Variants in FOXN3 observed in about 807,000 individuals in gnomAD.
The protein encoded by FOXN3 is forkhead box protein N3.
A neutral mutation model predicts 38.4 loss-of-function variants in FOXN3; 7 were observed. The observed-to-expected ratio is 0.18, with a 90% CI of 0.10 to 0.34. The LOEUF (loss-of-function observed/expected upper bound fraction) is 0.34, where lower values mean the gene tolerates loss of function less well. Among genes scored for constraint, FOXN3 ranks in the 10% least tolerant of loss-of-function variants. The probability of loss-of-function intolerance (pLI) is 1.00; values close to 1 mark genes in which losing one functional copy is unlikely to be tolerated. For missense variants in FOXN3, 456 were observed against 613.4 expected (o/e 0.74, Z 2.71); for synonymous variants, 230 against 242.2 (o/e 0.95, Z 0.47).
intron 4 of FOXN3, among the ~76,000 whole-genome samples, chr14:89,186,338 AT>A (rs1887807297): frequency 6.6e-6 from 1 of 151,502 alleles, no homozygotes. Flanking sequence ...TGTTTTGTTT[AT>A]TATCTAGTTT....
intron 4 of FOXN3, among the ~76,000 whole-genome samples, chr14:89,247,968 A>G (rs1885344707): frequency 6.6e-6 from 1 of 152,140 alleles, no homozygotes; most frequent in African/African-American, 2.4e-5. Context: ...TCTGCCTAGA[A>G]AGCTCTTCTC....
intron 3 of FOXN3, among the ~76,000 whole-genome samples, chr14:89,298,259 T>C (rs1887105997): frequency 6.6e-6 from 1 of 152,014 alleles, no homozygotes; most frequent in Non-Finnish European, 1.5e-5. Flanking sequence ...AGAAAAAGAA[T>C]GGTGGTTGCC....
chr14:89,596,965 T>A (rs987407481), intron 1 of FOXN3, among the ~76,000 whole-genome samples: 52 of 152,166 alleles, frequency 3.4e-4, no homozygotes, highest in Non-Finnish European at 3.4e-4. Flanking sequence ...CCCATTTCAT[T>A]ACCTTTTATC....
intron 1 of FOXN3, among the ~76,000 whole-genome samples, chr14:89,425,062 C>CT (rs3994032): frequency 0.52 from 54,346 of 104,184 alleles, 15,439 homozygotes; most frequent in East Asian, 0.72. Context: ...GTTTTCTTTT[C>CT]TTTTTTTTTT....
chr14:89,467,288 C>T (rs1892989734), intron 1 of FOXN3, among the ~76,000 whole-genome samples: 1 of 152,176 alleles, frequency 6.6e-6, no homozygotes, highest in Non-Finnish European at 1.5e-5. Flanking sequence ...CCATCCACCA[C>T]CTGCTGTAAC....
intron 4 of FOXN3, among the ~76,000 whole-genome samples, chr14:89,201,880 G>A (rs895616029): frequency 3.9e-5 from 6 of 152,236 alleles, no homozygotes; most frequent in African/African-American, 1.4e-4. Context: ...TCCCACAGCT[G>A]TGGGGGTGCT....
intron 1 of FOXN3, among the ~76,000 whole-genome samples, chr14:89,590,929 C>T (rs1167560716): frequency 2.0e-5 from 3 of 152,162 alleles, no homozygotes; most frequent in African/African-American, 7.2e-5. Context: ...TCTGAACGGT[C>T]AGGCCTTGCT....
intron 1 of FOXN3, among the ~76,000 whole-genome samples, chr14:89,534,295 G>A (rs1400062459): frequency 1.3e-5 from 2 of 151,540 alleles, no homozygotes; most frequent in Admixed American, 1.3e-4. Flanking sequence ...TGGTAGAGAC[G>A]GGTTTCACCA....
chr14:89,469,703 G>T (rs1123155), intron 1 of FOXN3, among the ~76,000 whole-genome samples: 1 of 152,222 alleles, frequency 6.6e-6, no homozygotes, highest in Non-Finnish European at 1.5e-5. Flanking sequence ...ACTAGCTCTG[G>T]GGGAGAGAGA....
intron 3 of FOXN3, among the ~76,000 whole-genome samples, chr14:89,285,786 T>C (rs192548154): frequency 1.8e-4 from 28 of 152,132 alleles, no homozygotes; most frequent in African/African-American, 6.5e-4. Flanking sequence ...TGTACAACAA[T>C]GTAAATGCAC....
intron 4 of FOXN3, among the ~76,000 whole-genome samples, chr14:89,277,122 T>C (rs1339580805): frequency 6.6e-6 from 1 of 152,170 alleles, no homozygotes; most frequent in Non-Finnish European, 1.5e-5. Flanking sequence ...ACAGGGAGTT[T>C]GGAAATGGGA....
rs545125537 is a variant in FOXN3 at position 89,515,081 on chromosome 14, A to G, written c.-14-102591T>C. ...ATTACAAGCGCCCGCCACCACGTCC[A>G]GCTACTTTTTTTTGTATTTTTAGTA... On this transcript the variant is annotated intron_variant, in intron 1 of 6. Transcript: ENST00000345097. Among the ~76,000 whole-genome samples, 10 of 151,984 alleles carry G rather than the reference A, an allele frequency of 6.6e-5. No homozygotes were observed. In the South Asian group the frequency reaches 1.7e-3, roughly 25 times the overall value.
At chr14:89,277,719 A>C (rs147382886) in intron 4 of FOXN3, among the ~76,000 whole-genome samples, 1 of 152,326 alleles carries the variant, frequency 6.6e-6, no homozygotes, top group East Asian at 1.9e-4. Flanking sequence ...CAACGATTTG[A>C]CAATGAAAAC....
upstream of FOXN3, among the ~76,000 whole-genome samples, chr14:89,418,156 A>G (rs527889129): frequency 1.6e-4 from 24 of 152,242 alleles, no homozygotes; most frequent in African/African-American, 5.8e-4. Context: ...AAAAATAAAA[A>G]TGTGATTGCA....
At position 89,157,129 on chromosome 14, in the gene FOXN3, A is replaced by G. The variant is rs1886998754; in HGVS notation, c.*5285T>C. On this transcript the variant is annotated 3_prime_UTR_variant, in exon 6 of 6. Transcript: ENST00000557258. ...AAATAGTCTCGATTTCAATGCTAAC[A>G]AAACAACAGGAAGGGTACTCGTGAG... 2.0e-5 allele frequency: 3 copies of G among 152,678 alleles called. No individual in the cohort carries two copies. Among genetic ancestry groups the G allele is most frequent in the Non-Finnish European group, 4.4e-5 (3 of 68,040 alleles). 9.5% of individuals were successfully genotyped at this position (152,678 alleles called of 1,614,324 possible). A position where few individuals can be genotyped will look rare whatever the true frequency, so the allele number is the denominator to read the frequency against.
chr14:89,180,914 G>GT, intron 4 of FOXN3, 108 bp from the exon 5 acceptor site: 1 of 574,018 alleles, frequency 1.7e-6, no homozygotes, highest in Non-Finnish European at 2.9e-6. Context: ...GAGAGACAGA[G>GT]GGCAGAGACA....
intron 3 of FOXN3, among the ~76,000 whole-genome samples, chr14:89,320,855 G>A (rs1382682996): frequency 2.0e-5 from 3 of 152,150 alleles, no homozygotes; most frequent in Non-Finnish European, 2.9e-5. Flanking sequence ...CTGTTATGCT[G>A]GCTATAAAAC....
At chr14:89,506,100 G>A (rs1164287669) in intron 1 of FOXN3, among the ~76,000 whole-genome samples, 30 of 133,494 alleles carry the variant, frequency 2.2e-4, no homozygotes, top group African/African-American at 5.4e-4. Flanking sequence ...CCGGCCAGCC[G>A]CCCCGTCCGG....
intron 4 of FOXN3, among the ~76,000 whole-genome samples, chr14:89,198,609 C>T (rs1888157453): frequency 6.6e-6 from 1 of 152,180 alleles, no homozygotes; most frequent in South Asian, 2.1e-4. Context: ...CTTCTTTCCC[C>T]CAAGGATGTA....
Sources: allele counts gnomAD v4.1 joint callset (sites outside exome capture counted in the v4.1 genomes callset), GRCh38; gene constraint gnomAD v4.1.1; transcripts MANE v1.5; gene names NCBI Gene and HGNC (gene_info 2026-07-23, HGNC 2026-07-21).